ERC2: variants seen among roughly 807,000 people sequenced by gnomAD.
The protein encoded by ERC2 is ERC protein 2.
ERC2 carries 42 observed loss-of-function variants against 114.8 expected under a neutral mutation model. The ratio of observed to expected loss-of-function variants is 0.37; its 90% CI spans 0.29 to 0.47. ERC2 has a LOEUF of 0.47. ERC2 is among the 20% of genes least tolerant of loss of function. ERC2 has a pLI of 0.99. For missense variants in ERC2, 939 were observed against 1,150.7 expected, an observed-to-expected ratio of 0.82 and a Z score of 2.66; for synonymous variants, 454 against 425.5, an observed-to-expected ratio of 1.07 and a Z score of -0.82.
chr3:56,368,960 C>G (rs1156634596), intron 2 of ERC2, among the ~76,000 whole-genome samples: 1 of 152,192 alleles, frequency 6.6e-6, no homozygotes, highest in Non-Finnish European at 1.5e-5. Flanking sequence ...TTCCACAGAA[C>G]TGGAAGGCTA....
chr3:56,083,824 C>A (rs1051865063), intron 6 of ERC2, among the ~76,000 whole-genome samples: 21 of 151,296 alleles, frequency 1.4e-4, no homozygotes, highest in African/African-American at 5.1e-4. Context: ...GCTATACCAG[C>A]AATCAGGAAG....
chr3:56,300,424 G>A (rs1419021906), intron 2 of ERC2, among the ~76,000 whole-genome samples: 2 of 151,900 alleles, frequency 1.3e-5, no homozygotes, highest in Non-Finnish European at 2.9e-5. Flanking sequence ...CAGAGAGGAG[G>A]GAACCCAGGC....
chr3:55,954,081 TAAAAAAAAA>T lies in ERC2; in HGVS notation c.2268-3530_2268-3522del, dbSNP rs58512381. Among the ~76,000 whole-genome samples, 353 of 50,346 alleles carry T rather than the reference TAAAAAAAAA, an allele frequency of 7.0e-3. 4 individuals carry two copies. The highest frequency in any genetic ancestry group is 0.029 in the African/African-American group (338 of 11,704). 33.0% of individuals were successfully genotyped at this position (50,346 alleles called of 152,430 possible). The stretch of plus-strand genomic sequence containing the variant: ...CAAGAGACTGACTTGCTCCATTATT[TAAAAAAAAA>T]AAAAAAAAAAAAAAAAAAAAAAGGT... On this transcript the variant is annotated intron_variant, in intron 12 of 17. Transcript: ENST00000288221.
At chr3:56,084,867 TAAA>T (rs35491624) in intron 6 of ERC2, among the ~76,000 whole-genome samples, 1 of 133,040 alleles carries the variant, frequency 7.5e-6, no homozygotes, top group African/African-American at 2.9e-5. Context: ...ATTTAAAAAT[TAAA>T]AAAAAAAAAA....
At chr3:55,857,663 G>C (rs1257178331) in intron 14 of ERC2, among the ~76,000 whole-genome samples, 1 of 152,180 alleles carries the variant, frequency 6.6e-6, no homozygotes, top group African/African-American at 2.4e-5. Flanking sequence ...TTGCTGTTCA[G>C]TAAAGGGTAA....
intron 16 of ERC2, among the ~76,000 whole-genome samples, chr3:55,699,069 A>T (rs2063088897): frequency 6.6e-6 from 1 of 152,182 alleles, no homozygotes; most frequent in Non-Finnish European, 1.5e-5. Flanking sequence ...TAAAACTCTG[A>T]AAGAGACATT....
chr3:55,673,629 T>C (rs891317762), intron 17 of ERC2, among the ~76,000 whole-genome samples: 1 of 151,878 alleles, frequency 6.6e-6, no homozygotes, highest in African/African-American at 2.4e-5. Context: ...GTTTCTTCGA[T>C]AACATGATTT....
At chr3:56,175,690 A>G (rs531329964) in intron 3 of ERC2, among the ~76,000 whole-genome samples, 1 of 152,302 alleles carries the variant, frequency 6.6e-6, no homozygotes, top group South Asian at 2.1e-4. Flanking sequence ...CCCAAGTGGC[A>G]TCCCTGAATG....
chr3:55,784,553 C>T (rs1320161574), intron 14 of ERC2, among the ~76,000 whole-genome samples: 2 of 152,168 alleles, frequency 1.3e-5, no homozygotes, highest in Admixed American at 1.3e-4. Flanking sequence ...GTAAAACAGC[C>T]TCAACATGGT....
intron 4 of ERC2, 148 bp downstream of exon 4, chr3:56,173,298 A>T (rs2082780834): frequency 1.4e-6 from 1 of 722,704 alleles, no homozygotes; most frequent in East Asian, 2.7e-5. Flanking sequence ...AAATGTGCCC[A>T]GGAAGGTAAA....
intron 14 of ERC2, among the ~76,000 whole-genome samples, chr3:55,782,562 A>G (rs1270906497): frequency 1.3e-5 from 2 of 152,236 alleles, no homozygotes; most frequent in Non-Finnish European, 2.9e-5. Flanking sequence ...CGACAAATAC[A>G]GAGTCCCTCC....
intron 10 of ERC2, among the ~76,000 whole-genome samples, chr3:56,005,704 CACTGTG>C (rs2072430268): frequency 6.6e-6 from 1 of 152,042 alleles, no homozygotes; most frequent in East Asian, 1.9e-4. Flanking sequence ...CGACTCAGCA[CACTGTG>C]ACTAAGGTAA....
At chr3:56,007,084 A>C in intron 10 of ERC2, 97 bp downstream of exon 10, 2 of 1,078,716 alleles carry the variant, frequency 1.9e-6, no homozygotes, top group Non-Finnish European at 2.6e-6. Context: ...ACAGCAACAG[A>C]TAAGGGGTTT....
Position 55,627,489 on chromosome 3 carries a change from A to G in ERC2, c.*39+56305T>C, listed in dbSNP as rs1575825737. Among the ~76,000 whole-genome samples, 8 of 151,518 alleles carry G rather than the reference A, an allele frequency of 5.3e-5. 1 individual carries two copies. The highest frequency in any genetic ancestry group is 5.2e-4 in the Admixed American group (8 of 15,270). On this transcript the variant is annotated intron_variant, in intron 17 of 17. Coordinates refer to ENST00000288221, the MANE Select transcript of ERC2 (RefSeq NM_015576.3). ...TCAAAAAAGAAAAAAAAGAAAAAAG[A>G]AAAAAAGAAATTTCTTTTTTCTCTG...
intron 6 of ERC2, among the ~76,000 whole-genome samples, chr3:56,085,261 T>C (rs6779576): frequency 6.6e-5 from 10 of 152,132 alleles, no homozygotes; most frequent in Non-Finnish European, 1.3e-4. Context: ...ACAGGGAAGT[T>C]GGGGGAGTAG....
intron 12 of ERC2, among the ~76,000 whole-genome samples, chr3:55,958,071 C>A (rs2068088186): frequency 6.6e-6 from 1 of 152,186 alleles, no homozygotes; most frequent in Non-Finnish European, 1.5e-5. Flanking sequence ...AGTATATGGA[C>A]AACTGGAGGG....
intron 2 of ERC2, among the ~76,000 whole-genome samples, chr3:56,362,565 T>C (rs749489186): frequency 2.0e-5 from 3 of 152,228 alleles, no homozygotes; most frequent in Non-Finnish European, 4.4e-5. Flanking sequence ...ATACTCCGAA[T>C]TATTGATTTT....
chr3:55,795,791 T>C (rs1232526854), intron 14 of ERC2, among the ~76,000 whole-genome samples: 2 of 152,188 alleles, frequency 1.3e-5, no homozygotes, highest in African/African-American at 4.8e-5. Flanking sequence ...CTGTGAAACC[T>C]GAGTCTCCTC....
At chr3:55,949,501 A>T (rs2067351439) in intron 13 of ERC2, among the ~76,000 whole-genome samples, 1 of 152,192 alleles carries the variant, frequency 6.6e-6, no homozygotes, top group African/African-American at 2.4e-5. Flanking sequence ...GAAAGGAAAA[A>T]AAAAATACCT....
Sources: gnomAD v4.1 joint callset for allele counts (sites outside exome capture counted in the v4.1 genomes callset) on GRCh38, gnomAD v4.1.1 for gene constraint, MANE v1.5 for transcripts, NCBI Gene and HGNC (gene_info 2026-07-23, HGNC 2026-07-21) for gene names.